The following TBC1D32 variants were observed in gnomAD, a reference collection of about 807,000 sequenced individuals.
The protein encoded by TBC1D32 is protein broad-minded.
In TBC1D32, 151 loss-of-function variants were observed where a neutral mutation model predicts 170.3. That is an observed-to-expected ratio of 0.89 (90% CI 0.78 to 1.01). The LOEUF (loss-of-function observed/expected upper bound fraction) is 1.01, where lower values mean the gene tolerates loss of function less well. Ranked by LOEUF, TBC1D32 falls within the 50% of genes least tolerant of loss-of-function variation. The pLI is 0.00. For missense variants in TBC1D32, 1,464 were observed against 1,457.1 expected, an observed-to-expected ratio of 1.00 and a Z score of -0.08; for synonymous variants, 498 against 488.0, an observed-to-expected ratio of 1.02 and a Z score of -0.27.
intron 24 of TBC1D32, among the ~76,000 whole-genome samples, chr6:121,141,321 C>T (rs1782757400): frequency 6.6e-6 from 1 of 151,934 alleles, no homozygotes; most frequent in African/African-American, 2.4e-5. Flanking sequence ...AATTAGTATT[C>T]CAGGAAAAGG....
intron 1 of TBC1D32, among the ~76,000 whole-genome samples, chr6:121,329,265 A>T (rs1406964642): frequency 6.6e-6 from 1 of 152,208 alleles, no homozygotes; most frequent in Non-Finnish European, 1.5e-5. Flanking sequence ...TTTATATAAA[A>T]ATACGGAGAG....
intron 9 of TBC1D32, 77 bp downstream of exon 9, chr6:121,303,540 G>A: frequency 2.6e-6 from 3 of 1,151,618 alleles, no homozygotes; most frequent in Non-Finnish European, 3.5e-6. Context: ...TTAGCACACA[G>A]TATTCAAACA....
intron 2 of TBC1D32, among the ~76,000 whole-genome samples, chr6:121,319,752 C>T (rs1809437043): frequency 6.6e-6 from 1 of 152,016 alleles, no homozygotes; most frequent in Non-Finnish European, 1.5e-5. Flanking sequence ...ACAGAATGGC[C>T]ACAGGCAGTA....
Position 121,136,796 on chromosome 6 carries a change from G to A in TBC1D32, c.2774-5044C>T, listed in dbSNP as rs561424251. On this transcript the variant is annotated intron_variant, in intron 24 of 31. Coordinates refer to ENST00000398212, the MANE Select transcript of TBC1D32 (RefSeq NM_152730.6). ...AAACAGATGTATTCTGTTGTATATAGAAATTTTATTATATACACATGTGTA... is the reference window on the plus strand; with the variant it reads ...AAACAGATGTATTCTGTTGTATATAAAAATTTTATTATATACACATGTGTA... 2.1e-3 allele frequency among the ~76,000 whole-genome samples: 314 copies of A among 152,162 alleles called. 1 individual carries two copies. Among genetic ancestry groups the A allele is most frequent in the African/African-American group, 7.3e-3 (302 of 41,528 alleles).
intron 29 of TBC1D32, 121 bp from the exon 30 acceptor site, chr6:121,106,284 A>G (rs1778675264): frequency 2.2e-6 from 1 of 455,228 alleles, no homozygotes; most frequent in Non-Finnish European, 3.3e-6. Flanking sequence ...CAAAATTAAT[A>G]TGGTGGCATA....
chr6:121,262,163 A>G (rs1799848159), intron 15 of TBC1D32, among the ~76,000 whole-genome samples: 1 of 152,196 alleles, frequency 6.6e-6, no homozygotes, highest in Non-Finnish European at 1.5e-5. Context: ...TGGAGTACCT[A>G]AAAGAAACGG....
At chr6:121,259,940 G>C (rs1241461767) in intron 15 of TBC1D32, among the ~76,000 whole-genome samples, 2 of 152,080 alleles carry the variant, frequency 1.3e-5, no homozygotes, top group Admixed American at 6.6e-5. Flanking sequence ...ACAACAGAGG[G>C]TATCACAGGA....
At chr6:121,096,271 T>C (rs1031124891) in intron 30 of TBC1D32, 2 of 152,050 alleles carry the variant, frequency 1.3e-5, no homozygotes, top group African/African-American at 4.8e-5. Context: ...GTGGGATCAA[T>C]GGTGATACTG....
chr6:121,306,892 T>C (rs971855325), intron 5 of TBC1D32, among the ~76,000 whole-genome samples: 1 of 152,248 alleles, frequency 6.6e-6, no homozygotes, highest in African/African-American at 2.4e-5. Flanking sequence ...ATTAGTTTTC[T>C]AGCTTCTTTC....
intron 20 of TBC1D32, among the ~76,000 whole-genome samples, chr6:121,238,544 C>T (rs1411094274): frequency 6.6e-6 from 1 of 152,036 alleles, no homozygotes; most frequent in Non-Finnish European, 1.5e-5. Flanking sequence ...TTTTAGTGAA[C>T]TTTGGAGAAT....
chr6:121,109,738 T>C (rs1779025950), intron 29 of TBC1D32, among the ~76,000 whole-genome samples: 1 of 152,176 alleles, frequency 6.6e-6, no homozygotes, highest in African/African-American at 2.4e-5. Flanking sequence ...GGATAATTTT[T>C]CAAACTATTT....
At chr6:121,180,506 C>T (rs954013261) in intron 22 of TBC1D32, among the ~76,000 whole-genome samples, 3 of 152,056 alleles carry the variant, frequency 2.0e-5, no homozygotes, top group Admixed American at 6.6e-5. Context: ...GGAAGAAACA[C>T]TCTCTAATAA....
At chr6:121,272,844 G>A (rs925659274) in intron 15 of TBC1D32, among the ~76,000 whole-genome samples, 1 of 152,170 alleles carries the variant, frequency 6.6e-6, no homozygotes, top group African/African-American at 2.4e-5. Context: ...CAATAGCAAA[G>A]ACTTGGAACC....
At position 121,115,260 on chromosome 6, in the gene TBC1D32, T is replaced by C; in HGVS notation, c.2984-19A>G. The C allele has an allele frequency of 6.4e-7, 1 of 1,571,548 alleles. No homozygotes were observed. Among genetic ancestry groups the C allele is most frequent in the Non-Finnish European group, 8.7e-7 (1 of 1,154,772 alleles). On this transcript the variant is annotated intron_variant, in intron 26 of 31. Coordinates refer to ENST00000398212, the MANE Select transcript of TBC1D32 (RefSeq NM_152730.6). ...TCAGTAGCTAAAGACAACAGAAAAC[T>C]GAGTTATAAAGTGCAGAAAAGTTTG...
intron 22 of TBC1D32, among the ~76,000 whole-genome samples, chr6:121,204,412 T>C (rs1343192626): frequency 6.6e-6 from 1 of 151,236 alleles, no homozygotes; most frequent in African/African-American, 2.5e-5. Flanking sequence ...AAAGTTACTT[T>C]GCTAATAGAA....
chr6:121,080,054 T>C lies in TBC1D32; in HGVS notation c.*717A>G, dbSNP rs1775492664. The C allele has an allele frequency of 1.3e-5, 2 of 152,172 alleles. No homozygotes were observed. Among genetic ancestry groups the C allele is most frequent in the Non-Finnish European group, 2.9e-5 (2 of 68,034 alleles). The allele number at this position is 152,172 out of a possible 1,614,324, so 9.4% of individuals were successfully genotyped here. A position where few individuals can be genotyped will look rare whatever the true frequency, so the allele number is the denominator to read the frequency against. The stretch of plus-strand genomic sequence containing the variant: ...GCAGCTGTAGTTTTATCCATTTTCC[T>C]TTACATGTACAGACATAAAGAATGG... On this transcript the variant is annotated 3_prime_UTR_variant, in exon 32 of 32. Transcript: ENST00000398212.
At position 121,241,455 on chromosome 6, in the gene TBC1D32, A is replaced by T. The variant is rs779375864; in HGVS notation, c.2245+10T>A. ...AATAATTATAATTCTAATGAAAAGA[A>T]AACATTTACCTGACTTTTTTAGTGC... is the stretch of plus-strand genomic sequence containing the variant. On this transcript the variant is annotated intron_variant, in intron 19 of 31. Transcript: ENST00000398212. 1.9e-5 allele frequency: 31 copies of T among 1,607,560 alleles called. 1 individual carries two copies. The highest frequency in any genetic ancestry group is 3.3e-4 in the Middle Eastern group (2 of 6,046).
At chr6:121,218,699 T>C (rs989510157) in intron 21 of TBC1D32, among the ~76,000 whole-genome samples, 1 of 152,152 alleles carries the variant, frequency 6.6e-6, no homozygotes, top group Admixed American at 6.6e-5. Flanking sequence ...ATATATCCTA[T>C]TAGTTCTGTC....
At chr6:121,188,983 CT>C (rs1378265003) in intron 22 of TBC1D32, among the ~76,000 whole-genome samples, 4 of 151,928 alleles carry the variant, frequency 2.6e-5, no homozygotes, top group Admixed American at 1.3e-4. Flanking sequence ...TCTAAACTGT[CT>C]TTTTTAAAAA....
Sources: allele counts gnomAD v4.1 joint callset (sites outside exome capture counted in the v4.1 genomes callset), GRCh38; gene constraint gnomAD v4.1.1; transcripts MANE v1.5; gene names NCBI Gene and HGNC (gene_info 2026-07-23, HGNC 2026-07-21).